The following ARHGAP32 variants were observed in gnomAD, a reference collection of about 807,000 sequenced individuals.
ARHGAP32 encodes Rho GTPase activating protein 32, also known as rho GTPase-activating protein 32.
Under a neutral mutation model 186.5 loss-of-function variants are expected in ARHGAP32, and 51 were observed. The observed-to-expected ratio is 0.27, with a 90% CI of 0.22 to 0.35. ARHGAP32 has a LOEUF of 0.35. ARHGAP32 is among the 10% of genes least tolerant of loss of function. The pLI, the probability that ARHGAP32 is intolerant of heterozygous loss-of-function variation, is 1.00. For missense variants in ARHGAP32, 2,186 were observed against 2,623.5 expected, an observed-to-expected ratio of 0.83 and a Z score of 3.64; for synonymous variants, 950 against 964.3, an observed-to-expected ratio of 0.99 and a Z score of 0.27.
intron 10 of ARHGAP32, among the ~76,000 whole-genome samples, chr11:129,052,278 C>A (rs1338171106): frequency 6.6e-6 from 1 of 152,170 alleles, no homozygotes; most frequent in African/African-American, 2.4e-5. Flanking sequence ...ATCTATCTTT[C>A]CACCAATACC....
intron 2 of ARHGAP32, among the ~76,000 whole-genome samples, chr11:129,149,335 G>A (rs1044208871): frequency 1.1e-4 from 17 of 152,238 alleles, no homozygotes; most frequent in Admixed American, 3.3e-4. Context: ...ACCAGCATTC[G>A]AGAAAGCCAG....
intron 1 of ARHGAP32, among the ~76,000 whole-genome samples, chr11:129,260,606 G>T (rs1945309890): frequency 6.6e-6 from 1 of 151,984 alleles, no homozygotes; most frequent in Non-Finnish European, 1.5e-5. Context: ...ATATAATATT[G>T]TCTTTATCTA....
chr11:128,978,709 G>A, intron 19 of ARHGAP32, 61 bp downstream of exon 19: 1 of 1,525,774 alleles, frequency 6.6e-7, no homozygotes, highest in Non-Finnish European at 8.8e-7. Context: ...TGAAGAACGT[G>A]CCCAGAACAA....
chr11:129,078,959 T>C (rs1591595296), intron 6 of ARHGAP32, among the ~76,000 whole-genome samples: 1 of 148,834 alleles, frequency 6.7e-6, no homozygotes, highest in Non-Finnish European at 1.5e-5. Context: ...CTTAGAGAAA[T>C]GCAAAATAGA....
At chr11:129,105,897 A>G (rs2135318813) in intron 5 of ARHGAP32, among the ~76,000 whole-genome samples, 1 of 152,332 alleles carries the variant, frequency 6.6e-6, no homozygotes, top group South Asian at 2.1e-4. Flanking sequence ...AATAAGGGAA[A>G]TCAAGAAACT....
intron 1 of ARHGAP32, among the ~76,000 whole-genome samples, chr11:129,252,020 AAAT>A (rs1376528734): frequency 1.6e-4 from 24 of 152,204 alleles, no homozygotes; most frequent in Admixed American, 4.6e-4. Flanking sequence ...CAGAAAAAGT[AAAT>A]AATAATATCA....
At chr11:129,118,325 GA>G (rs988292886) in intron 5 of ARHGAP32, among the ~76,000 whole-genome samples, 1 of 148,616 alleles carries the variant, frequency 6.7e-6, no homozygotes, top group Non-Finnish European at 1.5e-5. Flanking sequence ...CTCTTTTCTG[GA>G]AAAAAAAATA....
intron 2 of ARHGAP32, among the ~76,000 whole-genome samples, chr11:129,159,996 C>A (rs1055906094): frequency 6.6e-6 from 1 of 151,104 alleles, no homozygotes; most frequent in African/African-American, 2.5e-5. Flanking sequence ...GAACTAATGA[C>A]AAAAACCACA....
At chr11:129,140,064 A>G (rs1337019930) in intron 2 of ARHGAP32, among the ~76,000 whole-genome samples, 4 of 152,176 alleles carry the variant, frequency 2.6e-5, no homozygotes, top group African/African-American at 9.7e-5. Flanking sequence ...TAATCACATG[A>G]GCACTTCAAA....
intron 9 of ARHGAP32, 52 bp downstream of exon 9, chr11:129,063,850 G>C (rs1940596197): frequency 6.4e-7 from 1 of 1,557,646 alleles, no homozygotes. Context: ...TCAAAGATGA[G>C]GCCAGAAAGT....
chr11:129,270,651 T>C (rs966522214), intron 1 of ARHGAP32, among the ~76,000 whole-genome samples: 1 of 151,836 alleles, frequency 6.6e-6, no homozygotes, highest in Non-Finnish European at 1.5e-5. Flanking sequence ...GGAAGCTGCA[T>C]ATGTGTAAAG....
intron 1 of ARHGAP32, among the ~76,000 whole-genome samples, chr11:129,246,407 G>T (rs1945097683): frequency 6.6e-6 from 1 of 152,100 alleles, no homozygotes. Flanking sequence ...TAGACTTTGG[G>T]TCATCAAATT....
At chr11:129,172,206 T>C (rs1044618343) in intron 1 of ARHGAP32, among the ~76,000 whole-genome samples, 1 of 152,182 alleles carries the variant, frequency 6.6e-6, no homozygotes, top group Non-Finnish European at 1.5e-5. Flanking sequence ...CAATACTATG[T>C]TGAATAGGAG....
chr11:128,983,443 A>G (rs536682887), intron 15 of ARHGAP32, among the ~76,000 whole-genome samples: 1 of 149,334 alleles, frequency 6.7e-6, no homozygotes, highest in East Asian at 2.0e-4. Context: ...GAATTGAACA[A>G]TGAGATCACA....
intron 2 of ARHGAP32, among the ~76,000 whole-genome samples, chr11:129,140,513 T>G (rs1379186580): frequency 1.3e-5 from 2 of 152,192 alleles, no homozygotes; most frequent in Non-Finnish European, 2.9e-5. Flanking sequence ...CTCTCAGATT[T>G]TATATGCTCC....
At chr11:128,997,432 C>T (rs1049023610) in intron 12 of ARHGAP32, among the ~76,000 whole-genome samples, 1 of 152,080 alleles carries the variant, frequency 6.6e-6, no homozygotes, top group Non-Finnish European at 1.5e-5. Context: ...TATTACTTTA[C>T]CATTGTTTTT....
At chr11:129,005,820 T>G (rs1429926988) in intron 11 of ARHGAP32, among the ~76,000 whole-genome samples, 2 of 152,192 alleles carry the variant, frequency 1.3e-5, no homozygotes, top group African/African-American at 2.4e-5. Context: ...TACTATCTCT[T>G]TGAATAAACT....
intron 1 of ARHGAP32, among the ~76,000 whole-genome samples, chr11:129,265,677 C>A (rs1159516005): frequency 2.0e-5 from 3 of 152,072 alleles, no homozygotes; most frequent in Non-Finnish European, 4.4e-5. Context: ...AAATAACACT[C>A]CTTAAGATCA....
In ARHGAP32 at chr11:129,089,221, T is replaced by C. The variant is rs966532204; in HGVS notation, c.531+4400A>G. On this transcript the variant is annotated intron_variant, in intron 6 of 22. Coordinates refer to ENST00000682385, the MANE Select transcript of ARHGAP32 (RefSeq NM_001378024.1). ...TGACCACTCACATGGTGCTAAGCAC[T>C]GTAGTAAGCACTAGAGATGCGATAC... 8.5e-5 allele frequency among the ~76,000 whole-genome samples: 13 copies of C among 152,360 alleles called. 1 individual carries two copies. The highest frequency in any genetic ancestry group is 2.1e-4 in the South Asian group (1 of 4,824).
Sources: allele counts gnomAD v4.1 joint callset (sites outside exome capture counted in the v4.1 genomes callset), GRCh38; gene constraint gnomAD v4.1.1; transcripts MANE v1.5; gene names NCBI Gene and HGNC (gene_info 2026-07-23, HGNC 2026-07-21).